CCNY: variants seen among roughly 807,000 people sequenced by gnomAD.
CCNY encodes the protein cyclin Y.
Under a neutral mutation model 42.8 loss-of-function variants are expected in CCNY, and 19 were observed. The observed-to-expected ratio is 0.44, with a 90% CI of 0.31 to 0.65. The LOEUF (loss-of-function observed/expected upper bound fraction) is 0.65, where lower values mean the gene tolerates loss of function less well. CCNY is among the 30% of genes least tolerant of loss of function. The probability of loss-of-function intolerance (pLI) is 0.07; values close to 1 mark genes in which losing one functional copy is unlikely to be tolerated. For missense variants in CCNY, 370 were observed against 437.3 expected (o/e 0.85, Z 1.37); for synonymous variants, 165 against 162.7 (o/e 1.01, Z -0.11).
intron 1 of CCNY, among the ~76,000 whole-genome samples, chr10:35,444,692 G>A (rs1410044954): frequency 6.6e-6 from 1 of 152,228 alleles, no homozygotes; most frequent in Non-Finnish European, 1.5e-5. Context: ...TACTGTCATT[G>A]ATGCAGTCTG....
intron 1 of CCNY, among the ~76,000 whole-genome samples, chr10:35,442,834 A>G (rs1332450173): frequency 6.6e-6 from 1 of 152,220 alleles, no homozygotes; most frequent in Non-Finnish European, 1.5e-5. Flanking sequence ...GAAATGTCTC[A>G]TTAAGTGATT....
At chr10:35,527,706 A>G (rs898882357) in intron 5 of CCNY, among the ~76,000 whole-genome samples, 26 of 152,236 alleles carry the variant, frequency 1.7e-4, no homozygotes, top group African/African-American at 6.3e-4. Flanking sequence ...GAAGTAGAGA[A>G]AGTCCAGCTG....
In CCNY at chr10:35,468,252, G is replaced by A. The variant is rs577658498; in HGVS notation, c.155-15152G>A. Among the ~76,000 whole-genome samples, 27 of 152,256 alleles carry A rather than the reference G, an allele frequency of 1.8e-4. No individual in the cohort carries two copies. In the South Asian group the frequency reaches 2.7e-3, roughly 15 times the overall value. On this transcript the variant is annotated intron_variant, in intron 1 of 9. Transcript: ENST00000374704. The stretch of plus-strand genomic sequence containing the variant: ...GGCCTCTTTCATAAGGGCGCTAATC[G>A]CATTCGTGAGGGCTCTGCCCTCATG...
At chr10:35,492,194 C>T (rs564307808) in intron 2 of CCNY, among the ~76,000 whole-genome samples, 1 of 152,328 alleles carries the variant, frequency 6.6e-6, no homozygotes, top group South Asian at 2.1e-4. Context: ...GTCTCCTCAC[C>T]ACTGGAACAG....
At chr10:35,473,935 G>C (rs1028836065) in intron 1 of CCNY, among the ~76,000 whole-genome samples, 2 of 152,188 alleles carry the variant, frequency 1.3e-5, no homozygotes, top group Non-Finnish European at 2.9e-5. Context: ...GTCAGTGGGT[G>C]CGCGCACCAT....
At chr10:35,444,756 C>T (rs1010565902) in intron 1 of CCNY, among the ~76,000 whole-genome samples, 2 of 152,150 alleles carry the variant, frequency 1.3e-5, no homozygotes, top group Admixed American at 6.5e-5. Flanking sequence ...AAATTTTTTG[C>T]AAATGAAATT....
intron 5 of CCNY, among the ~76,000 whole-genome samples, chr10:35,528,039 G>A (rs1840687729): frequency 6.6e-6 from 1 of 152,042 alleles, no homozygotes; most frequent in Non-Finnish European, 1.5e-5. Flanking sequence ...ATTACTTCAG[G>A]CGAATGTTTC....
chr10:35,387,229 A>T (rs1028168908), intron 1 of CCNY, among the ~76,000 whole-genome samples: 2 of 151,954 alleles, frequency 1.3e-5, no homozygotes, highest in South Asian at 2.1e-4. Flanking sequence ...TGATTGCTTT[A>T]AAAAAGTTAC....
At position 35,435,934 on chromosome 10, in the gene CCNY, C is replaced by T. The variant is rs118049963; in HGVS notation, c.155-47470C>T. On this transcript the variant is annotated intron_variant, in intron 1 of 9. Transcript: ENST00000374704. ...ACGATGGATAGTGCCTCCTGTAGTTCGGAAGGAGGAAGTTAATTCTGGGTG... is the reference window on the plus strand; with the variant it reads ...ACGATGGATAGTGCCTCCTGTAGTTTGGAAGGAGGAAGTTAATTCTGGGTG... Among the ~76,000 whole-genome samples, 231 of 152,002 alleles carry T rather than the reference C, an allele frequency of 1.5e-3. 6 individuals carry two copies. In the East Asian group the frequency reaches 0.039, roughly 25 times the overall value.
At chr10:35,273,161 TCTGCTCACATCCCAAAAC>T (rs1476177953) in intron 3 of CCNY, among the ~76,000 whole-genome samples, 1 of 152,098 alleles carries the variant, frequency 6.6e-6, no homozygotes, top group Non-Finnish European at 1.5e-5. Context: ...CTTAATCTTG[TCTGCTCACATCCCAAAAC>T]CTCCTCATCC....
At chr10:35,279,389 C>G (rs1458613618) in intron 3 of CCNY, among the ~76,000 whole-genome samples, 4 of 152,168 alleles carry the variant, frequency 2.6e-5, no homozygotes, top group Non-Finnish European at 5.9e-5. Flanking sequence ...GCTGGGATTA[C>G]AGGCATAAGC....
chr10:35,290,222 TCACA>T lies in CCNY; in HGVS notation c.-9+39635_-9+39638del, dbSNP rs368209050. Among the ~76,000 whole-genome samples the T allele has an allele frequency of 2.8e-3, 348 of 122,946 alleles. 2 individuals are homozygous for T. In the East Asian group the frequency reaches 0.033, roughly 12 times the overall value. The allele number at this position is 122,946 out of a possible 152,430, so 80.7% of individuals were successfully genotyped here. A position where few individuals can be genotyped will look rare whatever the true frequency, so the allele number is the denominator to read the frequency against. On this transcript the variant is annotated intron_variant, in intron 3 of 11. Coordinates refer to the CCNY transcript ENST00000374706. ...GCCTGGGCAACACAGCAAGACTCCATCACACACACACACACACACACACACACAC... is the reference window on the plus strand; with the variant it reads ...GCCTGGGCAACACAGCAAGACTCCATCACACACACACACACACACACACAC...
intron 2 of CCNY, among the ~76,000 whole-genome samples, chr10:35,496,017 C>G (rs1839996357): frequency 6.6e-6 from 1 of 152,224 alleles, no homozygotes; most frequent in Non-Finnish European, 1.5e-5. Flanking sequence ...AAGGCCTGAT[C>G]TGTGCTACCC....
chr10:35,247,815 G>T lies in CCNY; in HGVS notation c.-216-294G>T, dbSNP rs536263771. ...GGCGTAAACCCAGGAGGTGGAGCTT[G>T]CAGTGAGCAGAGATCGCGCCACTGC... is the stretch of plus-strand genomic sequence containing the variant. On this transcript the variant is annotated intron_variant, in intron 1 of 11. Transcript: ENST00000374706. Among the ~76,000 whole-genome samples, 29 of 144,948 alleles carry T rather than the reference G, an allele frequency of 2.0e-4. No homozygotes were observed. The East Asian group carries it at 5.1e-3, about 25-fold the overall frequency.
intron 1 of CCNY, among the ~76,000 whole-genome samples, chr10:35,397,087 C>A (rs1837542796): frequency 1.3e-5 from 2 of 152,200 alleles, no homozygotes; most frequent in African/African-American, 4.8e-5. Context: ...TAGCCCTGTT[C>A]TTCCTAGGGC....
rs147091963 is a variant in CCNY at position 35,551,914 on chromosome 10, G to A, written c.580-1105G>A. 4.3e-3 allele frequency among the ~76,000 whole-genome samples: 651 copies of A among 152,320 alleles called. 7 individuals are homozygous for A. The highest frequency in any genetic ancestry group is 0.015 in the African/African-American group (623 of 41,566). ...AGGATGTGGAGAAATTGGAATCCTTGTGCATTGCTGAAATGTGAAATGGTG... is the reference window on the plus strand; with the variant it reads ...AGGATGTGGAGAAATTGGAATCCTTATGCATTGCTGAAATGTGAAATGGTG... On this transcript the variant is annotated intron_variant, in intron 7 of 9. Coordinates refer to ENST00000374704, the MANE Select transcript of CCNY (RefSeq NM_145012.6).
At chr10:35,422,306 T>TA (rs1838176249) in intron 1 of CCNY, among the ~76,000 whole-genome samples, 1 of 152,220 alleles carries the variant, frequency 6.6e-6, no homozygotes, top group South Asian at 2.1e-4. Flanking sequence ...AGCTTTTTCA[T>TA]ATGATATTCA....
chr10:35,337,503 T>G (rs1184199161), intron 1 of CCNY, among the ~76,000 whole-genome samples: 1 of 151,942 alleles, frequency 6.6e-6, no homozygotes, highest in African/African-American at 2.4e-5. Flanking sequence ...GCCCTCGTCC[T>G]TAATGGAGCG....
chr10:35,564,795 C>T (rs537828330), intron 8 of CCNY, among the ~76,000 whole-genome samples: 16 of 152,360 alleles, frequency 1.1e-4, no homozygotes, highest in Non-Finnish European at 1.9e-4. Context: ...CCATGCTTCC[C>T]TCACCTCAGT....
Sources: gnomAD v4.1 joint callset for allele counts (sites outside exome capture counted in the v4.1 genomes callset) on GRCh38, gnomAD v4.1.1 for gene constraint, MANE v1.5 for transcripts, NCBI Gene and HGNC (gene_info 2026-07-23, HGNC 2026-07-21) for gene names.